HKDC1: variants seen among roughly 807,000 people sequenced by gnomAD.
HKDC1 encodes the protein hexokinase HKDC1.
Under a neutral mutation model 96.6 loss-of-function variants are expected in HKDC1, and 66 were observed. The observed-to-expected ratio is 0.68, with a 90% CI of 0.56 to 0.84. The LOEUF (loss-of-function observed/expected upper bound fraction) is 0.84, where lower values mean the gene tolerates loss of function less well. Ranked by LOEUF, HKDC1 falls within the 40% of genes least tolerant of loss-of-function variation. The probability of loss-of-function intolerance (pLI) is 0.00; values close to 1 mark genes in which losing one functional copy is unlikely to be tolerated. For missense variants in HKDC1, 1,211 were observed against 1,208.1 expected, an observed-to-expected ratio of 1.00 and a Z score of -0.04; for synonymous variants, 466 against 473.1, an observed-to-expected ratio of 0.98 and a Z score of 0.20.
rs375135631 is a variant in HKDC1 at position 69,248,569 on chromosome 10, G to T, written c.1411G>T (p.Asp471Tyr). ...CGTGCAGGCCCAGCGGAAGCAGATC[G>T]ACAGGGTGCTGGCTTTGTTCCAGCT... Reference protein sequence around the residue: ...SRVQAQRKQIDRVLALFQLTR... With the variant: ...SRVQAQRKQIYRVLALFQLTR... Residue 471 changes from aspartate (D) to tyrosine (Y), a missense_variant, in exon 10 of 18, where the codon GAC becomes TAC. Transcript: ENST00000354624. The T allele has an allele frequency of 1.2e-6, 2 of 1,614,106 alleles. No individual in the cohort carries two copies. The highest frequency in any genetic ancestry group is 4.5e-5 in the East Asian group (2 of 44,892).
At chr10:69,233,955 A>G (rs946826251) in intron 4 of HKDC1, among the ~76,000 whole-genome samples, 4 of 150,550 alleles carry the variant, frequency 2.7e-5, no homozygotes, top group African/African-American at 9.8e-5. Context: ...GAGCAGACAC[A>G]GAGCCTGGGA....
chr10:69,246,773 G>A (rs926418327), intron 8 of HKDC1, among the ~76,000 whole-genome samples: 2 of 152,230 alleles, frequency 1.3e-5, no homozygotes, highest in African/African-American at 2.4e-5. Flanking sequence ...AGGTGACGGC[G>A]GCTGGCCCCG....
rs1392725910 is a variant in HKDC1 at position 69,257,389 on chromosome 10, C to G, written c.1995C>G (p.Gly665=). The stretch of plus-strand genomic sequence containing the variant: ...CAGTGGGGACCATGATGACCTGTGG[C>G]TATGAAGATCCTAATTGTGAGATTG... ...NDTVGTMMTC[G]YEDPNCEIGL... Residue 665 remains glycine, a synonymous_variant, in exon 14 of 18, where the codon GGC becomes GGG. Coordinates refer to ENST00000354624, the MANE Select transcript of HKDC1 (RefSeq NM_025130.4). The G allele has an allele frequency of 3.7e-6, 6 of 1,613,980 alleles. No homozygotes were observed. Among genetic ancestry groups the G allele is most frequent in the Non-Finnish European group, 4.2e-6 (5 of 1,179,826 alleles).
intron 16 of HKDC1, among the ~76,000 whole-genome samples, chr10:69,264,240 TG>T (rs1843855198): frequency 1.4e-5 from 2 of 145,396 alleles, no homozygotes; most frequent in African/African-American, 5.1e-5. Context: ...TGTGTGTGTG[TG>T]TCTTTTTTTA....
intron 6 of HKDC1, among the ~76,000 whole-genome samples, chr10:69,241,968 C>T (rs547863360): frequency 2.0e-5 from 3 of 152,186 alleles, no homozygotes; most frequent in South Asian, 4.2e-4. Context: ...CACACCAGAG[C>T]GAGGGGGTCA....
rs1843441591 is a variant in HKDC1, at chr10:69,240,669, C to T, written c.609C>T (p.Ile203=). Residue 203 remains isoleucine, a synonymous_variant, in exon 6 of 18, where the codon ATC becomes ATT. Transcript: ENST00000354624. ...TTCGGCAGGACATGGACGTGGACATCCTGGCCCTGGTCAATGACACCGTGG... is the reference window on the plus strand; with the variant it reads ...TTCGGCAGGACATGGACGTGGACATTCTGGCCCTGGTCAATGACACCGTGG... ...MRRHKDMDVD[I]LALVNDTVGT... The T allele has an allele frequency of 6.2e-7, 1 of 1,614,000 alleles. No individual in the cohort carries two copies. The highest frequency in any genetic ancestry group is 1.3e-5 in the African/African-American group (1 of 75,034).
At chr10:69,253,287 G>T (rs1454567076) in intron 12 of HKDC1, among the ~76,000 whole-genome samples, 1 of 152,066 alleles carries the variant, frequency 6.6e-6, no homozygotes. Context: ...ATGAGGCTGG[G>T]GCAGAGCTGT....
At chr10:69,220,544 C>A in intron 1 of HKDC1, 46 bp downstream of exon 1, 3 of 1,346,710 alleles carry the variant, frequency 2.2e-6, no homozygotes, top group Non-Finnish European at 2.0e-6. Context: ...TCCTTCTTCA[C>A]GGACAAAACT....
chr10:69,245,675 GT>G (rs1277949254), intron 7 of HKDC1, among the ~76,000 whole-genome samples: 1 of 152,066 alleles, frequency 6.6e-6, no homozygotes, highest in Non-Finnish European at 1.5e-5. Flanking sequence ...AAAGCTGTAG[GT>G]AGCCATGGCA....
intron 16 of HKDC1, 44 bp from the exon 17 acceptor site, chr10:69,265,541 G>A (rs776595655): frequency 3.4e-5 from 53 of 1,558,932 alleles, no homozygotes; most frequent in African/African-American, 6.8e-5. Context: ...CACATCCCGG[G>A]GTCCTGGGAA....
At chr10:69,250,144 G>A in intron 10 of HKDC1, 146 bp from the exon 11 acceptor site, 1 of 864,116 alleles carries the variant, frequency 1.2e-6, no homozygotes, top group Non-Finnish European at 1.8e-6. Flanking sequence ...CCCGGGCACT[G>A]TGCAGGGTGG....
chr10:69,247,391 A>G lies in HKDC1; in HGVS notation c.1063A>G (p.Ile355Val). Residue 355 changes from isoleucine to valine, a missense_variant, in exon 9 of 18, where the codon ATC becomes GTC. By Grantham distance (29) the Ile-to-Val change is conservative. Coordinates refer to ENST00000354624, the MANE Select transcript of HKDC1 (RefSeq NM_025130.4). ...AGAAGGCCTTGCTAATACAAGAGAG[A>G]TCCTGGTGGACCTGGGTCTGGAACC... is the stretch of plus-strand genomic sequence containing the variant. ...YKEGLANTREILVDLGLEPSE... is the reference protein window; with the variant it reads ...YKEGLANTREVLVDLGLEPSE... 2.5e-6 allele frequency: 4 copies of G among 1,613,938 alleles called. No homozygotes were observed. The highest frequency in any genetic ancestry group is 3.4e-6 in the Non-Finnish European group (4 of 1,179,934).
chr10:69,261,049 C>G (rs1843798248), intron 15 of HKDC1, 90 bp from the exon 16 acceptor site: 14 of 1,194,990 alleles, frequency 1.2e-5, no homozygotes, highest in Non-Finnish European at 1.7e-5. Flanking sequence ...GGATCTTGCT[C>G]CATGCGTAGC....
At chr10:69,249,579 T>TCCG (rs1311805735) in intron 10 of HKDC1, among the ~76,000 whole-genome samples, 1 of 152,238 alleles carries the variant, frequency 6.6e-6, no homozygotes, top group Non-Finnish European at 1.5e-5. Context: ...CACTGCAAGC[T>TCCG]CCGCCTCCCA....
At chr10:69,266,350 C>T (rs1843897615) in intron 17 of HKDC1, among the ~76,000 whole-genome samples, 1 of 151,868 alleles carries the variant, frequency 6.6e-6, no homozygotes, top group South Asian at 2.1e-4. Flanking sequence ...ACCTGTGGTC[C>T]CAGCTACATG....
At chr10:69,262,917 C>T (rs980301436) in intron 16 of HKDC1, among the ~76,000 whole-genome samples, 1 of 149,644 alleles carries the variant, frequency 6.7e-6, no homozygotes, top group African/African-American at 2.4e-5. Flanking sequence ...TTATCTTTGC[C>T]TTGCTTTTTT....
At chr10:69,222,291 C>T (rs1160380896) in intron 1 of HKDC1, among the ~76,000 whole-genome samples, 4 of 152,212 alleles carry the variant, frequency 2.6e-5, no homozygotes, top group African/African-American at 7.2e-5. Context: ...GTGGGATAAA[C>T]TCCCACTAAA....
intron 16 of HKDC1, chr10:69,262,193 T>C (rs1843820833): frequency 3.3e-6 from 1 of 305,352 alleles, no homozygotes; most frequent in Admixed American, 4.3e-5. Flanking sequence ...TTTGGTGTAA[T>C]TATCATTTTG....
At chr10:69,251,385 C>G (rs2132364798) in intron 12 of HKDC1, among the ~76,000 whole-genome samples, 1 of 152,164 alleles carries the variant, frequency 6.6e-6, no homozygotes, top group African/African-American at 2.4e-5. Flanking sequence ...TGTGAGCCAC[C>G]ACACCCGGCC....
Sources: allele counts gnomAD v4.1 joint callset (sites outside exome capture counted in the v4.1 genomes callset), GRCh38; gene constraint gnomAD v4.1.1; transcripts MANE v1.5; gene names NCBI Gene and HGNC (gene_info 2026-07-23, HGNC 2026-07-21).